Variants in CACNG3 observed in about 807,000 individuals in gnomAD.
CACNG3 encodes calcium voltage-gated channel auxiliary subunit gamma 3, also known as voltage-dependent calcium channel gamma-3 subunit.
A neutral mutation model predicts 28.5 loss-of-function variants in CACNG3; 3 were observed. The ratio of observed to expected loss-of-function variants is 0.11; its 90% CI spans 0.05 to 0.27. The LOEUF (loss-of-function observed/expected upper bound fraction) is 0.27, where lower values mean the gene tolerates loss of function less well. Among genes scored for constraint, CACNG3 ranks in the 10% least tolerant of loss-of-function variants. The pLI is 1.00. For synonymous variants in CACNG3, 174 were observed against 162.2 expected, an observed-to-expected ratio of 1.07 and a Z score of -0.55; for missense variants, 236 against 414.4, an observed-to-expected ratio of 0.57 and a Z score of 3.74.
chr16:24,323,718 G>A (rs922666397), intron 1 of CACNG3, among the ~76,000 whole-genome samples: 1 of 152,240 alleles, frequency 6.6e-6, no homozygotes, highest in African/African-American at 2.4e-5. Context: ...TGGAAGGGCA[G>A]AGGGAAGAAG....
At chr16:24,312,983 A>AAAGAAAG (rs1567216171) in intron 1 of CACNG3, among the ~76,000 whole-genome samples, 2 of 146,032 alleles carry the variant, frequency 1.4e-5, no homozygotes, top group African/African-American at 2.6e-5. Context: ...AGAAAGAAAT[A>AAAGAAAG]AAAGAAAGAA....
chr16:24,271,138 C>T (rs987180949), intron 1 of CACNG3, among the ~76,000 whole-genome samples: 1 of 152,208 alleles, frequency 6.6e-6, no homozygotes, highest in African/African-American at 2.4e-5. Flanking sequence ...TTGAATTCAC[C>T]ATGGCTGAGT....
intron 1 of CACNG3, among the ~76,000 whole-genome samples, chr16:24,304,840 G>T (rs1432822271): frequency 6.6e-6 from 1 of 152,148 alleles, no homozygotes; most frequent in East Asian, 1.9e-4. Context: ...GGGATTACAG[G>T]CATGAGCCAC....
At chr16:24,261,398 C>A (rs1466131733) in intron 1 of CACNG3, among the ~76,000 whole-genome samples, 3 of 152,236 alleles carry the variant, frequency 2.0e-5, no homozygotes, top group African/African-American at 7.2e-5. Context: ...AAATAGACAC[C>A]AAGTGTGGCC....
intron 1 of CACNG3, among the ~76,000 whole-genome samples, chr16:24,271,860 T>TC (rs60974487): frequency 6.6e-6 from 1 of 151,724 alleles, no homozygotes; most frequent in South Asian, 2.1e-4. Context: ...GGTTTGTGAG[T>TC]CCCCCAAGGT....
chr16:24,261,522 C>T (rs982705243), intron 1 of CACNG3, among the ~76,000 whole-genome samples: 1 of 152,172 alleles, frequency 6.6e-6, no homozygotes, highest in Admixed American at 6.5e-5. Flanking sequence ...TACCTTGTAG[C>T]TGAATTTGGT....
chr16:24,333,218 G>A (rs1421007087), intron 1 of CACNG3, among the ~76,000 whole-genome samples: 1 of 152,044 alleles, frequency 6.6e-6, no homozygotes, highest in Non-Finnish European at 1.5e-5. Context: ...CTGCCACTCC[G>A]AAATCAACAA....
chr16:24,342,800 GA>G (rs1034572533), intron 1 of CACNG3, among the ~76,000 whole-genome samples: 10 of 151,910 alleles, frequency 6.6e-5, no homozygotes, highest in Non-Finnish European at 1.3e-4. Context: ...ATATTCTTTC[GA>G]TTTTTTTTTC....
chr16:24,361,973 GAATGAAACCA>G lies in CACNG3; in HGVS notation c.*115_*124del, dbSNP rs1900108698. ...TTGTGATGGTATTACTTTTTACAAAGAATGAAACCAAATGGACTCAGCCCTCTCCCACATT... is the reference window on the plus strand; with the variant it reads ...TTGTGATGGTATTACTTTTTACAAAGAATGGACTCAGCCCTCTCCCACATT... On this transcript the variant is annotated 3_prime_UTR_variant, in exon 4 of 4. Transcript: ENST00000005284. The surrounding 1 kb of genome is among the most constrained non-coding windows in gnomAD (Gnocchi z 6.8). 5 of 1,148,738 alleles carry G rather than the reference GAATGAAACCA, an allele frequency of 4.4e-6. No homozygotes were observed. Among genetic ancestry groups the G allele is most frequent in the Non-Finnish European group, 4.8e-6 (4 of 827,424 alleles). 71.2% of individuals were successfully genotyped at this position (1,148,738 alleles called of 1,614,324 possible).
At chr16:24,330,053 T>G (rs778942321) in intron 1 of CACNG3, among the ~76,000 whole-genome samples, 13 of 151,268 alleles carry the variant, frequency 8.6e-5, no homozygotes, top group East Asian at 5.9e-4. Context: ...AAAGAAAAAA[T>G]AAAAGAAAAG....
intron 1 of CACNG3, among the ~76,000 whole-genome samples, chr16:24,345,951 CA>C (rs1208058989): frequency 6.6e-6 from 1 of 152,050 alleles, no homozygotes; most frequent in Non-Finnish European, 1.5e-5. Flanking sequence ...AAAGTAATTG[CA>C]CAACTGCACA....
intron 1 of CACNG3, among the ~76,000 whole-genome samples, chr16:24,275,642 G>A (rs1011276397): frequency 1.3e-5 from 2 of 152,200 alleles, no homozygotes; most frequent in Non-Finnish European, 2.9e-5. Context: ...TCTCAAAAAT[G>A]AGCTAAGTGA....
chr16:24,335,281 G>A (rs1248019692), intron 1 of CACNG3, among the ~76,000 whole-genome samples: 9 of 152,140 alleles, frequency 5.9e-5, no homozygotes, highest in Non-Finnish European at 8.8e-5. Context: ...TTAGCTGGGC[G>A]TGGTGGCGGG....
intron 1 of CACNG3, among the ~76,000 whole-genome samples, chr16:24,282,341 C>G (rs1044459994): frequency 5.3e-5 from 8 of 151,928 alleles, no homozygotes; most frequent in Admixed American, 5.2e-4. Flanking sequence ...AAGAGTCACA[C>G]TGGGCTTATT....
chr16:24,323,162 G>A (rs552007728), intron 1 of CACNG3, among the ~76,000 whole-genome samples: 10 of 147,826 alleles, frequency 6.8e-5, no homozygotes, highest in South Asian at 4.3e-4. Flanking sequence ...GGGAGGTTGA[G>A]GCTGCAGTGA....
chr16:24,311,652 T>C (rs1025752487), intron 1 of CACNG3, among the ~76,000 whole-genome samples: 2 of 151,978 alleles, frequency 1.3e-5, no homozygotes, highest in African/African-American at 4.8e-5. Flanking sequence ...GGTCAGGAGT[T>C]CAAGACCAGC....
At chr16:24,317,007 G>A (rs1171809287) in intron 1 of CACNG3, among the ~76,000 whole-genome samples, 1 of 152,058 alleles carries the variant, frequency 6.6e-6, no homozygotes, top group East Asian at 1.9e-4. Context: ...TAATACCTAG[G>A]ACAGAGGCAT....
intron 1 of CACNG3, among the ~76,000 whole-genome samples, chr16:24,267,523 A>G (rs1898629330): frequency 6.6e-6 from 1 of 152,108 alleles, no homozygotes; most frequent in Non-Finnish European, 1.5e-5. Flanking sequence ...CATGGGCTGA[A>G]GCAATTCTCC....
chr16:24,354,341 A>G (rs987150764), intron 2 of CACNG3, among the ~76,000 whole-genome samples: 19 of 152,164 alleles, frequency 1.2e-4, no homozygotes, highest in Admixed American at 1.0e-3. Context: ...AAACCCTCCC[A>G]GGGACCTGAG....
Sources: gnomAD v4.1 joint callset for allele counts (sites outside exome capture counted in the v4.1 genomes callset) on GRCh38, gnomAD v4.1.1 for gene constraint, Gnocchi (gnomAD v3.1) non-coding constraint, MANE v1.5 for transcripts, NCBI Gene and HGNC (gene_info 2026-07-23, HGNC 2026-07-21) for gene names.